FOXP1: variants seen among roughly 807,000 people sequenced by gnomAD.
The protein encoded by FOXP1 is forkhead box protein P1.
FOXP1 carries 15 observed loss-of-function variants against 98.2 expected under a neutral mutation model. That is an observed-to-expected ratio of 0.15 (90% CI 0.10 to 0.24). The LOEUF (loss-of-function observed/expected upper bound fraction) is 0.24. Ranked by LOEUF, FOXP1 falls within the 10% of genes least tolerant of loss-of-function variation. FOXP1 has a pLI of 1.00. For synonymous variants in FOXP1, 371 were observed against 314.5 expected (o/e 1.18, Z -1.90); for missense variants, 633 against 848.5 (o/e 0.75, Z 3.15).
chr3:71,110,048 G>A (rs554421895), intron 7 of FOXP1, among the ~76,000 whole-genome samples: 1 of 152,246 alleles, frequency 6.6e-6, no homozygotes, highest in Non-Finnish European at 1.5e-5. Flanking sequence ...TCAGCAGAAT[G>A]TGTGAGGTTG....
At chr3:71,520,968 C>G (rs916662800) in intron 2 of FOXP1, among the ~76,000 whole-genome samples, 1 of 152,122 alleles carries the variant, frequency 6.6e-6, no homozygotes, top group East Asian at 1.9e-4. Flanking sequence ...CCCCTCCCAC[C>G]GACTTGCACC....
intron 5 of FOXP1, among the ~76,000 whole-genome samples, chr3:71,281,650 T>C (rs2071580657): frequency 6.6e-6 from 1 of 152,232 alleles, no homozygotes; most frequent in Non-Finnish European, 1.5e-5. Flanking sequence ...AACATCATGT[T>C]AGAGCCAATG....
chr3:71,208,268 T>C (rs950327632), intron 5 of FOXP1, among the ~76,000 whole-genome samples: 3 of 152,214 alleles, frequency 2.0e-5, no homozygotes, highest in African/African-American at 7.2e-5. Flanking sequence ...AGTCCTTGTT[T>C]GTTCCACAAA....
In FOXP1 at chr3:71,429,309, G is replaced by A. The variant is rs187630601; in HGVS notation, c.-168+64117C>T. Among the ~76,000 whole-genome samples the A allele has an allele frequency of 5.4e-4, 82 of 152,284 alleles. 1 individual carries two copies. In the East Asian group the frequency reaches 0.011, roughly 20 times the overall value. On this transcript the variant is annotated intron_variant, in intron 3 of 20. Transcript: ENST00000649528. Reference sequence around the variant, plus strand: ...TGGTGAAGTGTGGGGAGGAAGAACAGCAGGAAAAGAAATTATTCTTTAAGG... The same window carrying A: ...TGGTGAAGTGTGGGGAGGAAGAACAACAGGAAAAGAAATTATTCTTTAAGG...
chr3:70,987,588 CTG>C (rs2039955308), intron 14 of FOXP1, among the ~76,000 whole-genome samples: 1 of 152,236 alleles, frequency 6.6e-6, no homozygotes, highest in East Asian at 1.9e-4. Flanking sequence ...CTACACACCA[CTG>C]TCTCTCAGCT....
At chr3:71,158,727 C>CAA (rs71104421) in intron 6 of FOXP1, among the ~76,000 whole-genome samples, 12,741 of 112,772 alleles carry the variant, frequency 0.11, 704 homozygotes, top group African/African-American at 0.17. Context: ...GCCCACAGAC[C>CAA]AAAAAAAAAA....
intron 14 of FOXP1, among the ~76,000 whole-genome samples, chr3:70,985,262 T>C (rs1053700280): frequency 2.0e-5 from 3 of 152,220 alleles, no homozygotes; most frequent in African/African-American, 7.2e-5. Flanking sequence ...CATTCTATTA[T>C]TTAGGGCGGA....
chr3:70,989,264 C>T (rs1040307079), intron 13 of FOXP1, among the ~76,000 whole-genome samples: 2 of 151,706 alleles, frequency 1.3e-5, no homozygotes, highest in Admixed American at 1.3e-4. Context: ...CAGCTTATCC[C>T]TACTGGATGA....
chr3:71,405,029 A>G (rs185184201), intron 3 of FOXP1, among the ~76,000 whole-genome samples: 69 of 152,316 alleles, frequency 4.5e-4, no homozygotes, highest in Non-Finnish European at 9.4e-4. Flanking sequence ...ATGGTTTGTG[A>G]AATACCTCCA....
At chr3:71,014,909 C>CA (rs924576375) in intron 12 of FOXP1, among the ~76,000 whole-genome samples, 1 of 151,574 alleles carries the variant, frequency 6.6e-6, no homozygotes, top group Admixed American at 6.6e-5. Context: ...CCAAACACCG[C>CA]ATGTTCTCAC....
intron 6 of FOXP1, among the ~76,000 whole-genome samples, chr3:71,121,057 TA>T (rs1376739572): frequency 1.4e-5 from 2 of 142,534 alleles, no homozygotes; most frequent in African/African-American, 2.6e-5. Context: ...TTTTTTTTTT[TA>T]CAAGAACTGG....
intron 3 of FOXP1, among the ~76,000 whole-genome samples, chr3:71,361,845 T>C (rs769220354): frequency 1.3e-5 from 2 of 152,212 alleles, no homozygotes; most frequent in Admixed American, 6.5e-5. Flanking sequence ...TGGTCACTGA[T>C]TAAAATGTGT....
chr3:71,194,825 C>T (rs530101071), intron 6 of FOXP1, among the ~76,000 whole-genome samples: 5 of 152,248 alleles, frequency 3.3e-5, no homozygotes, highest in African/African-American at 9.6e-5. Flanking sequence ...ATGGCTCAGA[C>T]ATAAATAGAG....
At chr3:71,393,347 T>G (rs1439819041) in intron 3 of FOXP1, among the ~76,000 whole-genome samples, 1 of 151,984 alleles carries the variant, frequency 6.6e-6, no homozygotes, top group Non-Finnish European at 1.5e-5. Context: ...CTTTACATGA[T>G]GTAATGTCTA....
intron 3 of FOXP1, among the ~76,000 whole-genome samples, chr3:71,477,457 TAATAA>T (rs1200193668): frequency 1.3e-5 from 2 of 152,240 alleles, no homozygotes; most frequent in Non-Finnish European, 2.9e-5. Flanking sequence ...CTCATTTCCT[TAATAA>T]AATATATTTT....
chr3:71,393,418 C>T (rs1425837166), intron 3 of FOXP1, among the ~76,000 whole-genome samples: 1 of 151,488 alleles, frequency 6.6e-6, no homozygotes, highest in African/African-American at 2.4e-5. Flanking sequence ...AAAAAAAAAA[C>T]TCATAAAATG....
At chr3:71,362,949 T>C (rs1248336967) in intron 3 of FOXP1, among the ~76,000 whole-genome samples, 2 of 152,200 alleles carry the variant, frequency 1.3e-5, no homozygotes, top group Non-Finnish European at 2.9e-5. Flanking sequence ...TGAGGGTGTC[T>C]TAAAAAGTGT....
In FOXP1 at chr3:70,958,979, A is replaced by T. The variant is rs537691491; in HGVS notation, c.*268T>A. The stretch of plus-strand genomic sequence containing the variant: ...TTTACAACACTGATGTTGACGGTTA[A>T]GAGAGGAAAATCCCAAGTACCAAAC... On this transcript the variant is annotated 3_prime_UTR_variant, in exon 21 of 21. Transcript: ENST00000649528. 2.7e-4 allele frequency: 123 copies of T among 460,400 alleles called. No individual in the cohort carries two copies. Among genetic ancestry groups the T allele is most frequent in the South Asian group, 2.5e-3 (118 of 46,352 alleles). The allele number at this position is 460,400 out of a possible 1,614,324, so 28.5% of individuals were successfully genotyped here.
At chr3:71,266,662 T>C (rs913106710) in intron 5 of FOXP1, among the ~76,000 whole-genome samples, 1 of 152,240 alleles carries the variant, frequency 6.6e-6, no homozygotes, top group Admixed American at 6.5e-5. Flanking sequence ...AGTTTGGGCT[T>C]CTAGTGAACC....
Sources: gnomAD v4.1 joint callset for allele counts (sites outside exome capture counted in the v4.1 genomes callset) on GRCh38, gnomAD v4.1.1 for gene constraint, MANE v1.5 for transcripts, NCBI Gene and HGNC (gene_info 2026-07-23, HGNC 2026-07-21) for gene names.